Variants in LIN9 observed in about 807,000 individuals in gnomAD.
The protein encoded by LIN9 is protein lin-9 homolog.
In LIN9, 18 loss-of-function variants were observed where a neutral mutation model predicts 78.0. The observed-to-expected ratio is 0.23, with a 90% confidence interval of 0.16 to 0.34. The LOEUF is 0.34. LIN9 is among the 10% of genes least tolerant of loss of function. LIN9 has a pLI of 1.00. For missense variants in LIN9, 451 were observed against 644.1 expected (o/e 0.70, Z 3.25); for synonymous variants, 192 against 215.2 (o/e 0.89, Z 0.94).
chr1:226,263,782 A>G (rs373304900), intron 10 of LIN9, among the ~76,000 whole-genome samples: 2 of 152,204 alleles, frequency 1.3e-5, no homozygotes, highest in African/African-American at 4.8e-5. Context: ...AACTAACAAT[A>G]TATCATTGGC....
At chr1:226,264,609 G>A (rs1659797791) in intron 10 of LIN9, among the ~76,000 whole-genome samples, 1 of 152,150 alleles carries the variant, frequency 6.6e-6, no homozygotes, top group Non-Finnish European at 1.5e-5. Context: ...ACTTTGGGAG[G>A]CCAAGGTGGG....
chr1:226,277,557 T>A (rs1660746009), intron 7 of LIN9, among the ~76,000 whole-genome samples: 1 of 152,092 alleles, frequency 6.6e-6, no homozygotes, highest in Non-Finnish European at 1.5e-5. Context: ...GGAAAAAAAA[T>A]ATCAAGTGAT....
intron 10 of LIN9, among the ~76,000 whole-genome samples, chr1:226,260,339 A>C (rs1659484943): frequency 6.6e-6 from 1 of 152,176 alleles, no homozygotes; most frequent in Admixed American, 6.5e-5. Flanking sequence ...CTCCAAGGTT[A>C]GCATTACCTT....
chr1:226,249,668 C>T (rs1033762279), intron 11 of LIN9, among the ~76,000 whole-genome samples: 2 of 152,192 alleles, frequency 1.3e-5, no homozygotes, highest in Non-Finnish European at 2.9e-5. Context: ...GCACTTACAA[C>T]AGACACTGAT....
chr1:226,286,494 C>A, intron 5 of LIN9, 36 bp from the exon 6 acceptor site: 2 of 1,465,580 alleles, frequency 1.4e-6, no homozygotes, highest in South Asian at 1.3e-5. Context: ...TGGTTACATA[C>A]AATGTGTTAC....
intron 1 of LIN9, among the ~76,000 whole-genome samples, chr1:226,304,954 T>C (rs1258310394): frequency 1.3e-5 from 2 of 151,972 alleles, no homozygotes; most frequent in African/African-American, 4.8e-5. Context: ...ATCCCAGCAC[T>C]TTGGGGGGCT....
intron 7 of LIN9, among the ~76,000 whole-genome samples, chr1:226,270,451 G>A (rs1210219013): frequency 2.0e-5 from 3 of 152,138 alleles, no homozygotes; most frequent in Non-Finnish European, 4.4e-5. Context: ...ATGTAAAGAA[G>A]TAGGAAAGCA....
chr1:226,302,016 CTG>C (rs1662566643), intron 1 of LIN9, among the ~76,000 whole-genome samples: 1 of 152,204 alleles, frequency 6.6e-6, no homozygotes, highest in Admixed American at 6.5e-5. Flanking sequence ...CGGCAGTGAG[CTG>C]TGACCGTGCC....
At chr1:226,266,152 A>C (rs1257609503) in intron 9 of LIN9, 61 bp downstream of exon 9, 1 of 1,220,426 alleles carries the variant, frequency 8.2e-7, no homozygotes, top group African/African-American at 1.5e-5. Context: ...GTATTTCTTA[A>C]GAACATAGTT....
At chr1:226,261,067 T>C (rs927499248) in intron 10 of LIN9, among the ~76,000 whole-genome samples, 21 of 151,854 alleles carry the variant, frequency 1.4e-4, no homozygotes, top group African/African-American at 5.1e-4. Context: ...GCAAAGTATT[T>C]GACAAAATTC....
intron 11 of LIN9, among the ~76,000 whole-genome samples, chr1:226,243,448 A>G (rs1167119764): frequency 1.3e-5 from 2 of 152,140 alleles, no homozygotes; most frequent in East Asian, 3.9e-4. Flanking sequence ...TAATCCCTGC[A>G]CTTTGGGAGG....
At chr1:226,257,015 G>A (rs1335625948) in intron 10 of LIN9, among the ~76,000 whole-genome samples, 1 of 152,010 alleles carries the variant, frequency 6.6e-6, no homozygotes, top group Non-Finnish European at 1.5e-5. Flanking sequence ...GTGCAATGGA[G>A]CGATTTTGGC....
chr1:226,238,219 G>T (rs894711583), intron 12 of LIN9, among the ~76,000 whole-genome samples: 2 of 152,144 alleles, frequency 1.3e-5, no homozygotes, highest in African/African-American at 4.8e-5. Context: ...AGGTTTAAAA[G>T]AGAAGGCAAC....
At chr1:226,275,231 A>G (rs1660566099) in intron 7 of LIN9, among the ~76,000 whole-genome samples, 1 of 152,210 alleles carries the variant, frequency 6.6e-6, no homozygotes, top group Non-Finnish European at 1.5e-5. Context: ...TCCATAAGTC[A>G]CAACATATCA....
chr1:226,306,051 G>A (rs953261893), intron 1 of LIN9, among the ~76,000 whole-genome samples: 8 of 152,128 alleles, frequency 5.3e-5, no homozygotes, highest in Admixed American at 2.0e-4. Flanking sequence ...GGCTGGGGGC[G>A]CGGTGGCTCA....
At chr1:226,289,791 T>C (rs1454861499) in intron 4 of LIN9, among the ~76,000 whole-genome samples, 4 of 129,074 alleles carry the variant, frequency 3.1e-5, no homozygotes, top group Admixed American at 2.0e-4. Flanking sequence ...TTTAAAAAGA[T>C]GGATTACCCA....
intron 3 of LIN9, 145 bp downstream of exon 3, chr1:226,297,574 A>G (rs1662234078): frequency 2.3e-6 from 1 of 443,548 alleles, no homozygotes; most frequent in Non-Finnish European, 4.0e-6. Flanking sequence ...ATTTACCTAA[A>G]TAAGATCAAA....
At position 226,287,881 on chromosome 1, in the gene LIN9, T is replaced by C. The variant is rs540655693; in HGVS notation, c.265-84A>G. ...TAACCCTGAATAAATTTGCAAAAGG[T>C]AAATTATGTTTAAGTACTTAAAAAG... is the stretch of plus-strand genomic sequence containing the variant. On this transcript the variant is annotated intron_variant, in intron 4 of 14. Transcript: ENST00000681046. The C allele has an allele frequency of 1.3e-4, 126 of 972,050 alleles. No individual in the cohort carries two copies. The African/African-American group carries it at 2.1e-3, about 16-fold the overall frequency. 60.2% of individuals were successfully genotyped at this position (972,050 alleles called of 1,614,324 possible). A position where few individuals can be genotyped will look rare whatever the true frequency, so the allele number is the denominator to read the frequency against.
At chr1:226,289,772 AAATCAATGTTT>A (rs1036359795) in intron 4 of LIN9, among the ~76,000 whole-genome samples, 121 of 144,158 alleles carry the variant, frequency 8.4e-4, no homozygotes, top group Middle Eastern at 3.6e-3. Context: ...GCAGCATTTT[AAATCAATGTTT>A]AAAAAGATGG....
Sources: allele counts gnomAD v4.1 joint callset (sites outside exome capture counted in the v4.1 genomes callset), GRCh38; gene constraint gnomAD v4.1.1; transcripts MANE v1.5; gene names NCBI Gene and HGNC (gene_info 2026-07-23, HGNC 2026-07-21).